DNAH11: variants seen among roughly 807,000 people sequenced by gnomAD.
DNAH11 encodes axonemal beta dynein heavy chain 11.
Under a neutral mutation model 526.0 loss-of-function variants are expected in DNAH11, and 442 were observed. The observed-to-expected ratio is 0.84, with a 90% confidence interval of 0.78 to 0.91. The LOEUF (loss-of-function observed/expected upper bound fraction) is 0.91, where lower values mean the gene tolerates loss of function less well. Ranked by LOEUF, DNAH11 falls within the 40% of genes least tolerant of loss-of-function variation. The pLI, the probability that DNAH11 is intolerant of heterozygous loss-of-function variation, is 0.00. For synonymous variants in DNAH11, 2,461 were observed against 1,935.9 expected (o/e 1.27, Z -7.12); for missense variants, 6,989 against 5,448.7 (o/e 1.28, Z -8.90).
intron 11 of DNAH11, 53 bp downstream of exon 11, chr7:21,588,689 T>C (rs1784562632): frequency 1.3e-6 from 2 of 1,583,050 alleles, no homozygotes; most frequent in Non-Finnish European, 1.7e-6. Context: ...ACGGGTGACA[T>C]TTTATATAAG....
At position 21,721,901 on chromosome 7, in the gene DNAH11, C is replaced by A. The variant is rs189273611; in HGVS notation, c.7266+1045C>A. Among the ~76,000 whole-genome samples, 34 of 152,298 alleles carry A rather than the reference C, an allele frequency of 2.2e-4. No homozygotes were observed. In the East Asian group the frequency reaches 5.8e-3, roughly 26 times the overall value. ...AGGATAGTCATTTGTGAACCATAGT[C>A]AACCCTGGGTCAATTCCTTTTTCAC... On this transcript the variant is annotated intron_variant, in intron 44 of 81. Transcript: ENST00000409508.
chr7:21,818,040 T>C (rs1375384525), intron 64 of DNAH11, among the ~76,000 whole-genome samples, 177 bp from the exon 65 acceptor site: 2 of 152,192 alleles, frequency 1.3e-5, no homozygotes, highest in East Asian at 3.8e-4. Context: ...TATCTTAAAA[T>C]CTCATCTTTA....
chr7:21,665,399 T>C (rs1178143886), intron 30 of DNAH11, among the ~76,000 whole-genome samples: 5 of 152,176 alleles, frequency 3.3e-5, no homozygotes, highest in Non-Finnish European at 7.4e-5. Flanking sequence ...ACATGTTACA[T>C]GTATTTTTAT....
chr7:21,726,084 C>A, intron 45 of DNAH11, 100 bp downstream of exon 45: 2 of 1,194,450 alleles, frequency 1.7e-6, no homozygotes, highest in Non-Finnish European at 2.2e-6. Context: ...GTTTAATTGG[C>A]TCATGATTCC....
chr7:21,787,801 C>G (rs1788257458), intron 60 of DNAH11, among the ~76,000 whole-genome samples: 2 of 152,156 alleles, frequency 1.3e-5, no homozygotes, highest in South Asian at 4.1e-4. Flanking sequence ...GAGTGATTGG[C>G]TCCTTTAGAT....
rs1786079428 is a variant in DNAH11, at chr7:21,744,987, A to G, written c.8434A>G (p.Thr2812Ala). 4 of 1,610,406 alleles carry G rather than the reference A, an allele frequency of 2.5e-6. No individual in the cohort carries two copies. Among genetic ancestry groups the G allele is most frequent in the East Asian group, 2.2e-5 (1 of 44,776 alleles). The change falls in exon 51 of 82, where the codon ACA becomes GCA. Residue 2812 changes from threonine (T) to alanine (A), a missense_variant. Transcript: ENST00000409508. ...KDWEVLKTILTETLDNYNELN... is the reference protein window; with the variant it reads ...KDWEVLKTILAETLDNYNELN... ...CTGGGAAGTGCTGAAGACGATTCTT[A>G]CAGAAACGTTAGACAACTACAATGA...
rs1784557550 is a variant in DNAH11, at chr7:21,588,582, A to G, written c.1919A>G (p.Gln640Arg). 6.2e-7 allele frequency: 1 copy of G among 1,613,590 alleles called. No homozygotes were observed. The highest frequency in any genetic ancestry group is 1.7e-5 in the Admixed American group (1 of 60,010). Residue 640 changes from glutamine (Q) to arginine (R), a missense_variant, in exon 11 of 82, where the codon CAG becomes CGG. Physicochemically the swap from Gln to Arg is conservative, Grantham distance 43. Transcript: ENST00000409508. The part of the protein sequence containing the change: ...FTSGNMKWAQ[Q>R]VLQRLQMFWS... ...TCAGGAAATATGAAATGGGCCCAGC[A>G]GGTTCTCCAACGACTTCAAATGTTT...
rs557761869 is a variant in DNAH11, at chr7:21,749,817, C to T, written c.8797+16C>T. ...CTGGCATCAGGTGATTAAACCAACA[C>T]ATTTCTTGAAAGATCTTCCCCAATG... On this transcript the variant is annotated intron_variant, in intron 53 of 81. Coordinates refer to ENST00000409508, the MANE Select transcript of DNAH11 (RefSeq NM_001277115.2). 3.1e-6 allele frequency: 5 copies of T among 1,613,156 alleles called. No individual in the cohort carries two copies. Among genetic ancestry groups the T allele is most frequent in the Non-Finnish European group, 4.2e-6 (5 of 1,179,490 alleles).
intron 66 of DNAH11, among the ~76,000 whole-genome samples, chr7:21,844,499 T>C (rs1782339944): frequency 6.6e-6 from 1 of 152,276 alleles, no homozygotes; most frequent in East Asian, 1.9e-4. Flanking sequence ...TTTTGCACTA[T>C]AATGGCAGAG....
intron 8 of DNAH11, among the ~76,000 whole-genome samples, chr7:21,574,021 A>G (rs776001134): frequency 6.6e-6 from 1 of 152,156 alleles, no homozygotes; most frequent in Non-Finnish European, 1.5e-5. Flanking sequence ...CCATTTACAG[A>G]ATGTGGGGAT....
At chr7:21,659,533 A>G (rs1297902055) in intron 30 of DNAH11, among the ~76,000 whole-genome samples, 1 of 151,972 alleles carries the variant, frequency 6.6e-6, no homozygotes, top group Non-Finnish European at 1.5e-5. Context: ...TCATCTTAAT[A>G]TGTGCTGTGA....
intron 28 of DNAH11, among the ~76,000 whole-genome samples, chr7:21,650,395 A>G (rs143437283): frequency 2.0e-4 from 30 of 152,232 alleles, no homozygotes; most frequent in Non-Finnish European, 4.0e-4. Flanking sequence ...TTGAGTTACT[A>G]TAGTTTTTTA....
At chr7:21,843,678 A>C (rs1782305026) in intron 66 of DNAH11, among the ~76,000 whole-genome samples, 1 of 151,706 alleles carries the variant, frequency 6.6e-6, no homozygotes, top group Non-Finnish European at 1.5e-5. Context: ...ATAGGGTTTC[A>C]CCATATTTGC....
chr7:21,899,485 G>A (rs1784664687), intron 80 of DNAH11, 37 bp downstream of exon 80: 2 of 1,508,544 alleles, frequency 1.3e-6, no homozygotes, highest in Non-Finnish European at 1.8e-6. Flanking sequence ...GATGCACACA[G>A]GACCACAGCC....
At chr7:21,764,532 G>T (rs772130446) in intron 54 of DNAH11, among the ~76,000 whole-genome samples, 33 of 152,072 alleles carry the variant, frequency 2.2e-4, no homozygotes, top group African/African-American at 8.0e-4. Flanking sequence ...GTGTCCTCAC[G>T]TACGCAGGGA....
chr7:21,848,486 G>C (rs1202718407), intron 66 of DNAH11, among the ~76,000 whole-genome samples: 1 of 151,744 alleles, frequency 6.6e-6, no homozygotes, highest in Non-Finnish European at 1.5e-5. Flanking sequence ...TATTTTTATT[G>C]GGTTTTATTC....
intron 4 of DNAH11, among the ~76,000 whole-genome samples, chr7:21,560,084 A>G (rs1783393743): frequency 6.6e-6 from 1 of 152,184 alleles, no homozygotes; most frequent in African/African-American, 2.4e-5. Flanking sequence ...TAATTAGTCA[A>G]CTTAATTGAT....
At position 21,615,098 on chromosome 7, in the gene DNAH11, T is replaced by G. The variant is rs377295132; in HGVS notation, c.3853-16T>G. 1.3e-6 allele frequency: 2 copies of G among 1,595,324 alleles called. No homozygotes were observed. Among genetic ancestry groups the G allele is most frequent in the Non-Finnish European group, 1.7e-6 (2 of 1,173,670 alleles). The stretch of plus-strand genomic sequence containing the variant: ...CTCTGGCAGTTTGTATGCAGGTGTT[T>G]ATGTTCTCTCCTTAGGCAAATGAAG... On this transcript the variant is annotated splice_polypyrimidine_tract_variant and intron_variant, in intron 20 of 81. Transcript: ENST00000409508.
intron 65 of DNAH11, among the ~76,000 whole-genome samples, chr7:21,819,244 G>A (rs1789950623): frequency 6.6e-6 from 1 of 151,776 alleles, no homozygotes; most frequent in South Asian, 2.1e-4. Flanking sequence ...TGCCTCTAAG[G>A]TATCTGTCCC....
Sources: gnomAD v4.1 joint callset for allele counts (sites outside exome capture counted in the v4.1 genomes callset) on GRCh38, gnomAD v4.1.1 for gene constraint, MANE v1.5 for transcripts, NCBI Gene and HGNC (gene_info 2026-07-23, HGNC 2026-07-21) for gene names.